SLC9B1: variants seen among roughly 807,000 people sequenced by gnomAD.
The protein encoded by SLC9B1 is sodium/hydrogen exchanger 9B1.
In SLC9B1, 32 loss-of-function variants were observed where a neutral mutation model predicts 51.7. That is an observed-to-expected ratio of 0.62 (90% CI 0.47 to 0.83). The LOEUF (loss-of-function observed/expected upper bound fraction) is 0.83, where lower values mean the gene tolerates loss of function less well. Ranked by LOEUF, SLC9B1 falls within the 40% of genes least tolerant of loss-of-function variation. The pLI is 0.00. For synonymous variants in SLC9B1, 145 were observed against 212.7 expected, an observed-to-expected ratio of 0.68 and a Z score of 2.77; for missense variants, 406 against 613.2, an observed-to-expected ratio of 0.66 and a Z score of 3.57.
In SLC9B1 at chr4:102,906,965, C is replaced by T. The variant is rs534891086; in HGVS notation, c.1087-321G>A. On this transcript the variant is annotated intron_variant, in intron 9 of 11. Transcript: ENST00000296422. Reference sequence around the variant, plus strand: ...TCTAGAACTCCTGTCCTCAAGTGGTCTCTGGCTGTGGCGTCCCAAAGCACT... The same window carrying T: ...TCTAGAACTCCTGTCCTCAAGTGGTTTCTGGCTGTGGCGTCCCAAAGCACT... Among the ~76,000 whole-genome samples the T allele has an allele frequency of 3.3e-4, 51 of 152,248 alleles. 2 individuals are homozygous for T. The South Asian group carries it at 0.011, about 32-fold the overall frequency.
chr4:102,886,185 G>C (rs1267216187), intron 11 of SLC9B1, among the ~76,000 whole-genome samples: 11 of 152,202 alleles, frequency 7.2e-5, no homozygotes, highest in African/African-American at 2.6e-4. Context: ...TCCCAATTTT[G>C]TTTAAAAAAC....
Position 102,967,881 on chromosome 4 carries a change from G to A in SLC9B1, c.212-18454C>T, listed in dbSNP as rs181656304. Among the ~76,000 whole-genome samples the A allele has an allele frequency of 7.0e-3, 1,071 of 152,238 alleles. 5 individuals carry two copies. Among genetic ancestry groups the A allele is most frequent in the Middle Eastern group, 0.024 (7 of 294 alleles). The stretch of plus-strand genomic sequence containing the variant: ...ACTCAGATAAATGCCTAAATAAATG[G>A]AGAGATATATCATGTTAATGGATTA... On this transcript the variant is annotated intron_variant, in intron 3 of 11. Transcript: ENST00000296422.
At chr4:102,999,162 T>G (rs1056958517) in intron 1 of SLC9B1, among the ~76,000 whole-genome samples, 1 of 152,232 alleles carries the variant, frequency 6.6e-6, no homozygotes, top group Non-Finnish European at 1.5e-5. Flanking sequence ...TGTTTGTTTT[T>G]TTCCGTTGCT....
chr4:102,978,047 G>C (rs1739165087), intron 3 of SLC9B1, among the ~76,000 whole-genome samples: 1 of 152,134 alleles, frequency 6.6e-6, no homozygotes. Context: ...CTAAGAGTGA[G>C]AATAAGAGGT....
chr4:102,906,715 C>A, intron 9 of SLC9B1, 71 bp from the exon 10 acceptor site: 1 of 922,866 alleles, frequency 1.1e-6, no homozygotes, highest in South Asian at 1.5e-5. Context: ...AAAGTCTTCC[C>A]CCCCCTTTTT....
At chr4:102,908,876 C>G (rs200422990) in intron 9 of SLC9B1, among the ~76,000 whole-genome samples, 10,333 of 112,650 alleles carry the variant, frequency 0.092, no homozygotes, top group African/African-American at 0.12. Flanking sequence ...ATAAATAACC[C>G]AATAAAAATG....
At chr4:102,945,093 T>A in intron 6 of SLC9B1, 100 bp downstream of exon 6, 1 of 1,253,300 alleles carries the variant, frequency 8.0e-7, no homozygotes, top group South Asian at 2.7e-5. Flanking sequence ...GAAACGAATT[T>A]TAATAGAGCT....
chr4:102,993,244 T>C (rs925883847), intron 1 of SLC9B1, among the ~76,000 whole-genome samples: 2 of 152,140 alleles, frequency 1.3e-5, no homozygotes, highest in African/African-American at 2.4e-5. Context: ...TATGAGCCTA[T>C]AAAATCGAAA....
At chr4:102,911,631 A>T in intron 7 of SLC9B1, 94 bp from the exon 8 acceptor site, 1 of 740,078 alleles carries the variant, frequency 1.4e-6, no homozygotes, top group African/African-American at 1.8e-5. Context: ...CATGAAGAAA[A>T]GTAAGCATTT....
chr4:102,955,899 A>AAGAAAGAAAGAAAGAG (rs199714147), intron 3 of SLC9B1, among the ~76,000 whole-genome samples: 22 of 107,960 alleles, frequency 2.0e-4, no homozygotes, highest in Admixed American at 9.6e-4. Context: ...GAAAGAAAGA[A>AAGAAAGAAAGAAAGAG]AGAGAGAGAA....
intron 7 of SLC9B1, among the ~76,000 whole-genome samples, chr4:102,928,840 T>C (rs3974602): frequency 0.58 from 87,295 of 151,666 alleles, 26,371 homozygotes; most frequent in African/African-American, 0.78. Flanking sequence ...GGCCTGAGAG[T>C]CCCTGGAAAA....
intron 3 of SLC9B1, among the ~76,000 whole-genome samples, chr4:102,971,580 T>G (rs376591176): frequency 3.3e-5 from 5 of 152,092 alleles, no homozygotes; most frequent in South Asian, 2.1e-4. Context: ...TGAAAAGAAC[T>G]AGAGAAGCAA....
chr4:102,922,224 G>C (rs1735915378), intron 7 of SLC9B1, among the ~76,000 whole-genome samples: 1 of 152,200 alleles, frequency 6.6e-6, no homozygotes, highest in Non-Finnish European at 1.5e-5. Context: ...TCAGACCACA[G>C]TGCAATCAAA....
chr4:103,019,428 G>C (rs2110553682), intron 1 of SLC9B1, among the ~76,000 whole-genome samples, 171 bp downstream of exon 1: 1 of 152,274 alleles, frequency 6.6e-6, no homozygotes, highest in Admixed American at 6.5e-5. Context: ...GGAGAGGAGA[G>C]ACAATGTCTG....
At chr4:102,918,907 T>C (rs1735720752) in intron 7 of SLC9B1, among the ~76,000 whole-genome samples, 1 of 152,186 alleles carries the variant, frequency 6.6e-6, no homozygotes, top group Non-Finnish European at 1.5e-5. Context: ...AAAATACAAA[T>C]GGCCAACTAG....
downstream of SLC9B1, among the ~76,000 whole-genome samples, chr4:102,899,110 T>C (rs552988956): frequency 6.6e-6 from 1 of 150,774 alleles, no homozygotes; most frequent in Non-Finnish European, 1.5e-5. Flanking sequence ...ATTATATTAA[T>C]AAATTTTTAT....
At chr4:102,940,389 CAGAT>C (rs1736930986) in intron 6 of SLC9B1, among the ~76,000 whole-genome samples, 1 of 152,046 alleles carries the variant, frequency 6.6e-6, no homozygotes, top group Non-Finnish European at 1.5e-5. Flanking sequence ...TCCATGATCA[CAGAT>C]AGGAAGAAGC....
intron 1 of SLC9B1, among the ~76,000 whole-genome samples, chr4:102,993,061 G>A (rs980259679): frequency 1.0e-4 from 15 of 147,272 alleles, no homozygotes; most frequent in African/African-American, 1.5e-4. Context: ...ATTTGGGTGG[G>A]GACAGAGACA....
intron 11 of SLC9B1, among the ~76,000 whole-genome samples, chr4:102,886,047 A>G (rs1044958036): frequency 2.0e-5 from 3 of 152,182 alleles, no homozygotes; most frequent in Non-Finnish European, 2.9e-5. Context: ...ATTGCTCATC[A>G]CAGCATCCTT....
Sources: allele counts gnomAD v4.1 joint callset (sites outside exome capture counted in the v4.1 genomes callset), GRCh38; gene constraint gnomAD v4.1.1; transcripts MANE v1.5; gene names NCBI Gene and HGNC (gene_info 2026-07-23, HGNC 2026-07-21).